CADM1: variants seen among roughly 807,000 people sequenced by gnomAD.
CADM1 encodes the protein TSLC-1.
A neutral mutation model predicts 53.1 loss-of-function variants in CADM1; 15 were observed. That is an observed-to-expected ratio of 0.28 (90% CI 0.19 to 0.44). CADM1 has a LOEUF of 0.44. Ranked by LOEUF, CADM1 falls within the 20% of genes least tolerant of loss-of-function variation. CADM1 has a pLI of 1.00. For synonymous variants in CADM1, 281 were observed against 243.0 expected (o/e 1.16, Z -1.45); for missense variants, 434 against 611.3 (o/e 0.71, Z 3.06).
intron 5 of CADM1, 60 bp downstream of exon 5, chr11:115,229,053 T>G (rs936159386): frequency 8.5e-6 from 13 of 1,531,018 alleles, no homozygotes; most frequent in Admixed American, 1.7e-5. Context: ...AAATGGCTTC[T>G]GAAGAGTTTC....
chr11:115,481,773 C>A (rs1191905092), intron 1 of CADM1, among the ~76,000 whole-genome samples: 1 of 152,114 alleles, frequency 6.6e-6, no homozygotes, highest in African/African-American at 2.4e-5. Flanking sequence ...TTCTACTTTC[C>A]TAAACATATC....
chr11:115,290,456 C>T (rs1943859036), intron 1 of CADM1, among the ~76,000 whole-genome samples: 1 of 152,144 alleles, frequency 6.6e-6, no homozygotes. Flanking sequence ...GGGAGAAATG[C>T]ATTTTTTTAA....
chr11:115,275,874 C>T (rs1198464745), intron 1 of CADM1, among the ~76,000 whole-genome samples: 1 of 152,132 alleles, frequency 6.6e-6, no homozygotes, highest in East Asian at 1.9e-4. Flanking sequence ...AAGCTGGTCC[C>T]ATTAGCTGCA....
chr11:115,188,278 T>C (rs1018136326), intron 10 of CADM1, among the ~76,000 whole-genome samples: 3 of 152,348 alleles, frequency 2.0e-5, no homozygotes, highest in African/African-American at 4.8e-5. Context: ...AAAACTCTTA[T>C]GGATCCATCA....
chr11:115,190,720 C>T, intron 10 of CADM1, 168 bp downstream of exon 10: 1 of 577,680 alleles, frequency 1.7e-6, no homozygotes, highest in Admixed American at 3.1e-5. Context: ...ACAGAGAAAA[C>T]AGGTGAGTGG....
intron 1 of CADM1, among the ~76,000 whole-genome samples, chr11:115,450,100 A>T (rs1049994522): frequency 6.6e-6 from 1 of 152,126 alleles, no homozygotes. Context: ...TCCATACAAC[A>T]TGAGAATCAG....
intron 1 of CADM1, among the ~76,000 whole-genome samples, chr11:115,359,311 TA>T (rs1945966656): frequency 6.6e-6 from 1 of 152,162 alleles, no homozygotes; most frequent in Non-Finnish European, 1.5e-5. Context: ...TTTGGGGATA[TA>T]AAAATTAAAT....
At chr11:115,452,469 T>C (rs185979819) in intron 1 of CADM1, among the ~76,000 whole-genome samples, 17 of 152,354 alleles carry the variant, frequency 1.1e-4, no homozygotes, top group Admixed American at 4.6e-4. Flanking sequence ...ATTGTTGACA[T>C]AGGCATTAAA....
chr11:115,332,502 T>G (rs1945158419), intron 1 of CADM1, among the ~76,000 whole-genome samples: 1 of 152,142 alleles, frequency 6.6e-6, no homozygotes, highest in South Asian at 2.1e-4. Flanking sequence ...ATTGAATCAC[T>G]GAGGGAAAAG....
intron 1 of CADM1, among the ~76,000 whole-genome samples, chr11:115,356,469 GAC>G (rs1400037461): frequency 6.6e-6 from 1 of 152,008 alleles, no homozygotes; most frequent in African/African-American, 2.4e-5. Flanking sequence ...TCCAGCACCT[GAC>G]ACAGACCATG....
At chr11:115,407,585 G>C (rs1224014784) in intron 1 of CADM1, among the ~76,000 whole-genome samples, 15 of 152,146 alleles carry the variant, frequency 9.9e-5, no homozygotes, top group Admixed American at 2.6e-4. Context: ...ACTTCGAAAG[G>C]ATGAGCTATC....
At chr11:115,426,980 G>T (rs997449389) in intron 1 of CADM1, among the ~76,000 whole-genome samples, 3 of 152,016 alleles carry the variant, frequency 2.0e-5, no homozygotes, top group Non-Finnish European at 4.4e-5. Flanking sequence ...GAATACAGGA[G>T]GATATAATGA....
At chr11:115,495,005 A>G (rs986262405) in intron 1 of CADM1, among the ~76,000 whole-genome samples, 27 of 152,204 alleles carry the variant, frequency 1.8e-4, no homozygotes, top group Admixed American at 1.8e-3. Flanking sequence ...TAAAGAAGAC[A>G]GAGAGCTCTT....
chr11:115,329,833 G>A lies in CADM1; in HGVS notation c.125-89413C>T, dbSNP rs143527663. 3.4e-3 allele frequency among the ~76,000 whole-genome samples: 510 copies of A among 151,642 alleles called. 2 individuals carry two copies. The highest frequency in any genetic ancestry group is 0.011 in the African/African-American group (451 of 41,328). On this transcript the variant is annotated intron_variant, in intron 1 of 11. Coordinates refer to ENST00000331581, the MANE Select transcript of CADM1 (RefSeq NM_001301043.2). ...TAGGGAGCCGGAAAGGAGATGGAGCGGGAAGATGATCTTCCTCTGGAGTTT... is the reference window on the plus strand; with the variant it reads ...TAGGGAGCCGGAAAGGAGATGGAGCAGGAAGATGATCTTCCTCTGGAGTTT...
intron 1 of CADM1, among the ~76,000 whole-genome samples, chr11:115,358,723 G>T (rs1311377699): frequency 6.6e-6 from 1 of 152,040 alleles, no homozygotes; most frequent in East Asian, 1.9e-4. Flanking sequence ...TGCACAACAA[G>T]ATCACCTAAT....
intron 1 of CADM1, among the ~76,000 whole-genome samples, chr11:115,438,397 C>T (rs924048138): frequency 2.6e-5 from 4 of 152,080 alleles, no homozygotes; most frequent in African/African-American, 7.2e-5. Context: ...GCGCACACTT[C>T]GGTTTGCTGC....
In CADM1 at chr11:115,169,810, T is replaced by C. The variant is rs1938732299; in HGVS notation, c.*6664A>G. 1 of 298,648 alleles carries C rather than the reference T, an allele frequency of 3.3e-6. No homozygotes were observed. Among genetic ancestry groups the C allele is most frequent in the Admixed American group, 4.5e-5 (1 of 22,002 alleles). 18.5% of individuals were successfully genotyped at this position (298,648 alleles called of 1,614,324 possible). Reference sequence around the variant, plus strand: ...TGCACTTGCCAGCATCCATTGCAGGTTTAAACGATGAAATACACAACTACA... The same window carrying C: ...TGCACTTGCCAGCATCCATTGCAGGCTTAAACGATGAAATACACAACTACA... On this transcript the variant is annotated 3_prime_UTR_variant, in exon 12 of 12. Transcript: ENST00000331581.
intron 1 of CADM1, among the ~76,000 whole-genome samples, chr11:115,451,063 T>C (rs984565627): frequency 1.3e-5 from 2 of 152,238 alleles, no homozygotes; most frequent in African/African-American, 4.8e-5. Flanking sequence ...TTTAAATAGC[T>C]TTAAGAATAA....
At chr11:115,281,750 T>C (rs1185908442) in intron 1 of CADM1, among the ~76,000 whole-genome samples, 1 of 152,056 alleles carries the variant, frequency 6.6e-6, no homozygotes, top group African/African-American at 2.4e-5. Flanking sequence ...ACTACAGCAG[T>C]TTTCAATGAA....
Sources: allele counts gnomAD v4.1 joint callset (sites outside exome capture counted in the v4.1 genomes callset), GRCh38; gene constraint gnomAD v4.1.1; transcripts MANE v1.5; gene names NCBI Gene and HGNC (gene_info 2026-07-23, HGNC 2026-07-21).